Variants in CFAP54 observed in about 807,000 individuals in gnomAD.
The protein encoded by CFAP54 is cilia- and flagella-associated protein 54.
Under a neutral mutation model 370.4 loss-of-function variants are expected in CFAP54, and 290 were observed. The observed-to-expected ratio is 0.78, with a 90% CI of 0.71 to 0.86. The LOEUF is 0.86. Among genes scored for constraint, CFAP54 ranks in the 40% least tolerant of loss-of-function variants. CFAP54 has a pLI of 0.00. For synonymous variants in CFAP54, 1,206 were observed against 1,236.5 expected, an observed-to-expected ratio of 0.98 and a Z score of 0.52; for missense variants, 3,399 against 3,528.7, an observed-to-expected ratio of 0.96 and a Z score of 0.93.
chr12:96,693,268 A>G (rs2136567187), intron 44 of CFAP54, among the ~76,000 whole-genome samples: 1 of 152,352 alleles, frequency 6.6e-6, no homozygotes, highest in East Asian at 1.9e-4. Context: ...GACAAAAAGC[A>G]GCTGGCATTG....
chr12:96,747,516 C>T (rs1455091445), intron 55 of CFAP54, among the ~76,000 whole-genome samples: 1 of 152,134 alleles, frequency 6.6e-6, no homozygotes, highest in Admixed American at 6.5e-5. Context: ...GTACCATTTC[C>T]AGCAGATAGT....
intron 67 of CFAP54, among the ~76,000 whole-genome samples, chr12:96,874,716 G>C (rs1213255740): frequency 2.1e-4 from 30 of 141,502 alleles, no homozygotes; most frequent in African/African-American, 7.0e-4. Flanking sequence ...TGCAAGCTCC[G>C]CCTCCCGGGT....
intron 17 of CFAP54, among the ~76,000 whole-genome samples, chr12:96,563,141 G>A (rs1001111496): frequency 1.3e-5 from 2 of 151,990 alleles, no homozygotes; most frequent in Non-Finnish European, 2.9e-5. Flanking sequence ...CTAATACCTC[G>A]TTCTCTAATT....
At chr12:96,591,489 TAGAG>T (rs1211109542) in intron 23 of CFAP54, among the ~76,000 whole-genome samples, 6 of 151,252 alleles carry the variant, frequency 4.0e-5, no homozygotes, top group South Asian at 2.1e-4. Context: ...AGGCAGCCAG[TAGAG>T]AGAGAGAGAC....
chr12:96,596,805 G>A (rs2136439607), intron 25 of CFAP54, among the ~76,000 whole-genome samples: 1 of 152,158 alleles, frequency 6.6e-6, no homozygotes, highest in Admixed American at 6.6e-5. Flanking sequence ...ATATATACAT[G>A]TATAACAAAA....
chr12:96,653,652 G>A (rs1956886142), intron 36 of CFAP54, among the ~76,000 whole-genome samples: 1 of 150,406 alleles, frequency 6.6e-6, no homozygotes, highest in Non-Finnish European at 1.5e-5. Flanking sequence ...ATGCTTAATA[G>A]GAAAGAAAAA....
chr12:96,498,068 G>A (rs1209548004), intron 1 of CFAP54, among the ~76,000 whole-genome samples: 1 of 152,200 alleles, frequency 6.6e-6, no homozygotes, highest in Non-Finnish European at 1.5e-5. Flanking sequence ...TTTGGCAAGT[G>A]AGCAAAGTCA....
At chr12:96,802,638 T>TCTA (rs1565983471) in intron 63 of CFAP54, among the ~76,000 whole-genome samples, 1 of 151,772 alleles carries the variant, frequency 6.6e-6, no homozygotes, top group Non-Finnish European at 1.5e-5. Flanking sequence ...TACTAACTTC[T>TCTA]TTATTATTAT....
chr12:96,788,529 A>G (rs1032361895), intron 62 of CFAP54, among the ~76,000 whole-genome samples: 1 of 152,196 alleles, frequency 6.6e-6, no homozygotes, highest in African/African-American at 2.4e-5. Context: ...AGATATGTTC[A>G]TGTTACTGTT....
In CFAP54 at chr12:96,558,718, AAAATC is replaced by A. The variant is rs1351951490; in HGVS notation, c.2410+3925_2410+3929del. On this transcript the variant is annotated intron_variant, in intron 17 of 67. Transcript: ENST00000524981. ...ACCCCTCTCTCTCTCACCATATATA[AAAATC>A]AAATCAAAATAGATTAAAGACTTAA... Among the ~76,000 whole-genome samples, 6 of 152,304 alleles carry A rather than the reference AAAATC, an allele frequency of 3.9e-5. No homozygotes were observed. The East Asian group carries it at 1.2e-3, about 29-fold the overall frequency.
intron 17 of CFAP54, among the ~76,000 whole-genome samples, chr12:96,556,357 C>G (rs528555646): frequency 1.3e-4 from 20 of 151,528 alleles, no homozygotes; most frequent in Non-Finnish European, 2.7e-4. Context: ...CAAAACCACA[C>G]CACACCTAGG....
chr12:96,588,547 T>G (rs1441992152), intron 22 of CFAP54, among the ~76,000 whole-genome samples: 1 of 152,206 alleles, frequency 6.6e-6, no homozygotes, highest in Non-Finnish European at 1.5e-5. Context: ...GCTTACTGGT[T>G]GGAGATCATG....
chr12:96,784,028 G>T (rs1453252282), intron 60 of CFAP54, among the ~76,000 whole-genome samples: 1 of 152,226 alleles, frequency 6.6e-6, no homozygotes, highest in Non-Finnish European at 1.5e-5. Context: ...TTTCTCTCTT[G>T]TAGATGTAAT....
intron 33 of CFAP54, chr12:96,646,091 T>C (rs937440203): frequency 2.0e-5 from 3 of 152,060 alleles, no homozygotes; most frequent in African/African-American, 7.2e-5. Flanking sequence ...AAAGCCAAAA[T>C]TGACAAATGG....
chr12:96,835,119 G>A (rs947956808), intron 66 of CFAP54, among the ~76,000 whole-genome samples: 3 of 152,090 alleles, frequency 2.0e-5, no homozygotes, highest in Non-Finnish European at 4.4e-5. Flanking sequence ...GCAGCTTTCA[G>A]CAGAGAATAG....
At chr12:96,618,695 A>G (rs922914687) in intron 26 of CFAP54, among the ~76,000 whole-genome samples, 32 of 152,228 alleles carry the variant, frequency 2.1e-4, no homozygotes, top group Admixed American at 7.2e-4. Context: ...TTTGGGACCC[A>G]GTGGAGGTTG....
At position 96,736,205 on chromosome 12, in the gene CFAP54, T is replaced by C. The variant is rs571349000; in HGVS notation, c.6966-3751T>C. Among the ~76,000 whole-genome samples the C allele has an allele frequency of 1.3e-4, 20 of 152,288 alleles. No homozygotes were observed. The East Asian group carries it at 3.9e-3, about 29-fold the overall frequency. ...AGCAAAGGCTTGAGTGCTCCTGGAATCACCTCGTTCCATCTTCTCTCTTTC... is the reference window on the plus strand; with the variant it reads ...AGCAAAGGCTTGAGTGCTCCTGGAACCACCTCGTTCCATCTTCTCTCTTTC... On this transcript the variant is annotated intron_variant, in intron 50 of 67. Transcript: ENST00000524981.
intron 66 of CFAP54, among the ~76,000 whole-genome samples, chr12:96,839,284 C>T (rs1959197082): frequency 6.6e-6 from 1 of 152,044 alleles, no homozygotes; most frequent in African/African-American, 2.4e-5. Context: ...TGAGTTAATC[C>T]ATGTAAAACT....
intron 50 of CFAP54, among the ~76,000 whole-genome samples, chr12:96,722,786 G>T (rs1957773492): frequency 6.6e-6 from 1 of 152,158 alleles, no homozygotes; most frequent in Non-Finnish European, 1.5e-5. Context: ...GTAATGAGAA[G>T]TATTTGGATT....
Sources: gnomAD v4.1 joint callset for allele counts (sites outside exome capture counted in the v4.1 genomes callset) on GRCh38, gnomAD v4.1.1 for gene constraint, MANE v1.5 for transcripts, NCBI Gene and HGNC (gene_info 2026-07-23, HGNC 2026-07-21) for gene names.